Variants in UBE2O observed in about 807,000 individuals in gnomAD.
UBE2O encodes ubiquitin conjugating enzyme E2 O.
Under a neutral mutation model 125.8 loss-of-function variants are expected in UBE2O, and 15 were observed. The ratio of observed to expected loss-of-function variants is 0.12; its 90% CI spans 0.08 to 0.18. The LOEUF is 0.18. UBE2O is among the 10% of genes least tolerant of loss of function. The pLI is 1.00. For synonymous variants in UBE2O, 708 were observed against 703.2 expected (o/e 1.01, Z -0.11); for missense variants, 1,280 against 1,723.6 (o/e 0.74, Z 4.56).
chr17:76,406,106 C>T (rs564245373), intron 1 of UBE2O, among the ~76,000 whole-genome samples: 3 of 152,352 alleles, frequency 2.0e-5, no homozygotes, highest in East Asian at 1.9e-4. Flanking sequence ...TGACCAGCTG[C>T]GGCCTGCACC....
chr17:76,395,801 GTGC>G lies in UBE2O; in HGVS notation c.2867_2869del (p.Ser956del). 2 of 1,614,238 alleles carry G rather than the reference GTGC, an allele frequency of 1.2e-6. No homozygotes were observed. Among genetic ancestry groups the G allele is most frequent in the Non-Finnish European group, 1.7e-6 (2 of 1,180,038 alleles). On this transcript the variant is annotated inframe_deletion, in exon 15 of 18. Coordinates refer to ENST00000319380, the MANE Select transcript of UBE2O (RefSeq NM_022066.4). This position sits in a 1 kb window ranked among gnomAD's most constrained non-coding sequence, Gnocchi z 5.0. Reference sequence around the variant, plus strand: ...CAGCAGCGCCATCTCCTTCCGCACTGTGCTGAAGAACTTCTTGGCTTCTGGAGG... The same window carrying G: ...CAGCAGCGCCATCTCCTTCCGCACTGTGAAGAACTTCTTGGCTTCTGGAGG...
chr17:76,433,858 C>A (rs188842381), intron 1 of UBE2O, among the ~76,000 whole-genome samples: 4 of 152,116 alleles, frequency 2.6e-5, no homozygotes, highest in Non-Finnish European at 5.9e-5. Context: ...GGTGACTCTA[C>A]AAAAAACTTA....
At chr17:76,447,174 T>C (rs1360348904) in intron 1 of UBE2O, among the ~76,000 whole-genome samples, 1 of 152,250 alleles carries the variant, frequency 6.6e-6, no homozygotes, top group Non-Finnish European at 1.5e-5. Context: ...TTGTGATTCA[T>C]GTTGGATCAG....
chr17:76,395,489 G>T lies in UBE2O; in HGVS notation c.2946+236C>A. On this transcript the variant is annotated intron_variant, in intron 15 of 17. Transcript: ENST00000319380. This position sits in a 1 kb window ranked among gnomAD's most constrained non-coding sequence, Gnocchi z 5.0. Reference sequence around the variant, plus strand: ...TTACGGGTGTGAGCCACTGCGCCCGGCCGAGAAAGTAATTTTTTAAAGGAG... The same window carrying T: ...TTACGGGTGTGAGCCACTGCGCCCGTCCGAGAAAGTAATTTTTTAAAGGAG... The T allele has an allele frequency of 2.2e-6, 1 of 464,110 alleles. No homozygotes were observed. The highest frequency in any genetic ancestry group is 3.8e-6 in the Non-Finnish European group (1 of 264,160). 28.7% of individuals were successfully genotyped at this position (464,110 alleles called of 1,614,324 possible).
At chr17:76,439,679 G>A (rs956565581) in intron 1 of UBE2O, among the ~76,000 whole-genome samples, 1 of 152,120 alleles carries the variant, frequency 6.6e-6, no homozygotes, top group African/African-American at 2.4e-5. Flanking sequence ...GAGTTCTGAG[G>A]CCTAAGTCTG....
intron 1 of UBE2O, among the ~76,000 whole-genome samples, chr17:76,448,088 C>T (rs1339270286): frequency 6.6e-6 from 1 of 152,182 alleles, no homozygotes; most frequent in Non-Finnish European, 1.5e-5. Context: ...AGGGTTTTGG[C>T]TTCCAATCAC....
At chr17:76,414,796 A>G (rs1422030260) in intron 1 of UBE2O, among the ~76,000 whole-genome samples, 1 of 152,114 alleles carries the variant, frequency 6.6e-6, no homozygotes, top group Non-Finnish European at 1.5e-5. Context: ...TTGATAAGCA[A>G]TATGTGCACT....
rs1598631602 is a variant in UBE2O at position 76,452,677 on chromosome 17, G to A, written c.417+48C>T. On this transcript the variant is annotated intron_variant, in intron 1 of 17. Transcript: ENST00000319380. This position sits in a 1 kb window ranked among gnomAD's most constrained non-coding sequence, Gnocchi z 4.4. ...GCCGTCCTTCCCTGGCCTCGGCCCGGCCGCCGACCCCCTGCCGCCCGCGCC... is the reference window on the plus strand; with the variant it reads ...GCCGTCCTTCCCTGGCCTCGGCCCGACCGCCGACCCCCTGCCGCCCGCGCC... 3 of 1,341,626 alleles carry A rather than the reference G, an allele frequency of 2.2e-6. No individual in the cohort carries two copies. Among genetic ancestry groups the A allele is most frequent in the Non-Finnish European group, 1.9e-6 (2 of 1,056,432 alleles). The allele number at this position is 1,341,626 out of a possible 1,614,324, so 83.1% of individuals were successfully genotyped here. A position where few individuals can be genotyped will look rare whatever the true frequency, so the allele number is the denominator to read the frequency against.
intron 1 of UBE2O, among the ~76,000 whole-genome samples, chr17:76,441,298 C>A (rs1006639581): frequency 5.3e-5 from 8 of 152,168 alleles, no homozygotes; most frequent in South Asian, 2.1e-4. Flanking sequence ...ATATTTACAT[C>A]CTAAAATGAA....
At chr17:76,442,406 T>C (rs1383181967) in intron 1 of UBE2O, among the ~76,000 whole-genome samples, 1 of 152,178 alleles carries the variant, frequency 6.6e-6, no homozygotes, top group Non-Finnish European at 1.5e-5. Context: ...AAGGGGCCCA[T>C]ACAGCTCCAG....
intron 1 of UBE2O, among the ~76,000 whole-genome samples, chr17:76,436,485 C>T (rs1379066156): frequency 2.0e-5 from 3 of 152,082 alleles, no homozygotes; most frequent in African/African-American, 7.2e-5. Flanking sequence ...TTCTTCGGTG[C>T]TGGATTGTCA....
Position 76,398,624 on chromosome 17 carries a change from C to A in UBE2O, c.1784-40G>T, listed in dbSNP as rs143736746. On this transcript the variant is annotated intron_variant, in intron 10 of 17. Coordinates refer to ENST00000319380, the MANE Select transcript of UBE2O (RefSeq NM_022066.4). The surrounding 1 kb of genome is among the most constrained non-coding windows in gnomAD (Gnocchi z 5.4). ...AAAGGGAAGTGACTAGCTAAGGGAT[C>A]CCGGCTAAGGAGCCCACATCTCAAG... is the stretch of plus-strand genomic sequence containing the variant. The A allele has an allele frequency of 3.8e-6, 6 of 1,596,734 alleles. No homozygotes were observed. Among genetic ancestry groups the A allele is most frequent in the African/African-American group, 1.3e-5 (1 of 74,700 alleles).
chr17:76,391,067 G>A lies in UBE2O; in HGVS notation c.3755C>T (p.Pro1252Leu). The change falls in exon 18 of 18, where the codon CCT becomes CTT. Residue 1252 changes from proline (P) to leucine (L), a missense_variant. Coordinates refer to ENST00000319380, the MANE Select transcript of UBE2O (RefSeq NM_022066.4). This position sits in a 1 kb window ranked among gnomAD's most constrained non-coding sequence, Gnocchi z 8.4. ...RSFLPEKSGY[P>L]DIGFPLFPLS... is the part of the protein sequence containing the mutation. ...TGGGAAGAGGGGGAAGCCGATGTCA[G>A]GGTAGCCACTCTTCTCAGGTAAGAA... The A allele has an allele frequency of 6.2e-7, 1 of 1,614,096 alleles. No individual in the cohort carries two copies. Among genetic ancestry groups the A allele is most frequent in the Non-Finnish European group, 8.5e-7 (1 of 1,180,040 alleles).
chr17:76,397,955 C>T, intron 12 of UBE2O, 67 bp from the exon 13 acceptor site: 7 of 1,540,510 alleles, frequency 4.5e-6, no homozygotes, highest in Non-Finnish European at 6.3e-6. Flanking sequence ...CCCTCCTGTG[C>T]TCTGCAGTGA....
At chr17:76,403,910 TA>T (rs2143723521) in intron 3 of UBE2O, among the ~76,000 whole-genome samples, 1 of 152,252 alleles carries the variant, frequency 6.6e-6, no homozygotes, top group African/African-American at 2.4e-5. Context: ...TCCCACTGGC[TA>T]AATCTGGGAC....
intron 1 of UBE2O, among the ~76,000 whole-genome samples, chr17:76,420,808 T>C (rs866933677): frequency 6.6e-6 from 1 of 152,078 alleles, no homozygotes; most frequent in African/African-American, 2.4e-5. Context: ...TGCCACACAC[T>C]GTTTATGTCT....
At chr17:76,443,563 A>G (rs2073108563) in intron 1 of UBE2O, among the ~76,000 whole-genome samples, 1 of 151,856 alleles carries the variant, frequency 6.6e-6, no homozygotes, top group South Asian at 2.1e-4. Context: ...TGCTGGGATT[A>G]CAGGCGTGAG....
chr17:76,439,712 G>A (rs1299861024), intron 1 of UBE2O, among the ~76,000 whole-genome samples: 1 of 152,178 alleles, frequency 6.6e-6, no homozygotes, highest in African/African-American at 2.4e-5. Flanking sequence ...TGAACTTCCT[G>A]CCTCTCTTGC....
intron 1 of UBE2O, among the ~76,000 whole-genome samples, chr17:76,426,108 T>A (rs886111006): frequency 6.6e-6 from 1 of 152,188 alleles, no homozygotes; most frequent in African/African-American, 2.4e-5. Context: ...GCTCAAATGA[T>A]CCTCTTACTT....
Sources: gnomAD v4.1 joint callset for allele counts (sites outside exome capture counted in the v4.1 genomes callset) on GRCh38, gnomAD v4.1.1 for gene constraint, Gnocchi (gnomAD v3.1) non-coding constraint, MANE v1.5 for transcripts, NCBI Gene and HGNC (gene_info 2026-07-23, HGNC 2026-07-21) for gene names.